RAB27A: variants seen among roughly 807,000 people sequenced by gnomAD.
RAB27A encodes RAB27A, member RAS oncogene family, also known as ras-related protein Rab-27A.
In RAB27A, 17 loss-of-function variants were observed where a neutral mutation model predicts 20.8. The ratio of observed to expected loss-of-function variants is 0.82; its 90% confidence interval spans 0.56 to 1.23. RAB27A has a LOEUF of 1.23. Among genes scored for constraint, RAB27A ranks in the 50% most tolerant of loss-of-function variants. The pLI, the probability that RAB27A is intolerant of heterozygous loss-of-function variation, is 0.00. For missense variants in RAB27A, 277 were observed against 266.7 expected, an observed-to-expected ratio of 1.04 and a Z score of -0.27; for synonymous variants, 85 against 92.8, an observed-to-expected ratio of 0.92 and a Z score of 0.48.
intron 2 of RAB27A, among the ~76,000 whole-genome samples, chr15:55,311,196 G>C (rs1432239942): frequency 6.6e-6 from 1 of 152,212 alleles, no homozygotes; most frequent in Non-Finnish European, 1.5e-5. Context: ...TTTGGAGCTA[G>C]TGTCTGATTT....
chr15:55,299,789 A>G (rs867017407), intron 2 of RAB27A, among the ~76,000 whole-genome samples: 10 of 152,042 alleles, frequency 6.6e-5, no homozygotes, highest in Middle Eastern at 3.4e-3. Flanking sequence ...ATGAAATTAG[A>G]TAATAATGTT....
chr15:55,254,929 T>C (rs1360275673), intron 2 of RAB27A, among the ~76,000 whole-genome samples: 2 of 152,230 alleles, frequency 1.3e-5, no homozygotes, highest in East Asian at 3.8e-4. Flanking sequence ...GTCCAAGTAT[T>C]AGAACTTTTA....
intron 2 of RAB27A, among the ~76,000 whole-genome samples, chr15:55,304,720 C>T (rs148581553): frequency 8.7e-4 from 132 of 152,230 alleles, no homozygotes; most frequent in African/African-American, 2.9e-3. Flanking sequence ...TTCCATTATA[C>T]GGAAATACCA....
At chr15:55,205,934 G>A (rs1239839282) in intron 6 of RAB27A, among the ~76,000 whole-genome samples, 2 of 151,950 alleles carry the variant, frequency 1.3e-5, no homozygotes, top group Non-Finnish European at 2.9e-5. Context: ...ATCAATTTTT[G>A]GCTGGGCGCA....
intron 2 of RAB27A, among the ~76,000 whole-genome samples, chr15:55,302,847 C>A (rs1183071303): frequency 7.0e-6 from 1 of 141,894 alleles, no homozygotes; most frequent in Non-Finnish European, 1.5e-5. Flanking sequence ...GCAACCACCC[C>A]GTCTGAGAAG....
chr15:55,261,997 A>G (rs115029354), intron 2 of RAB27A, among the ~76,000 whole-genome samples: 1,884 of 151,134 alleles, frequency 0.012, 53 homozygotes, highest in African/African-American at 0.043. Context: ...AAATGGCACA[A>G]TTGCACTCTG....
At chr15:55,266,682 TA>T (rs1650487814) in intron 2 of RAB27A, among the ~76,000 whole-genome samples, 1 of 152,188 alleles carries the variant, frequency 6.6e-6, no homozygotes, top group African/African-American at 2.4e-5. Context: ...AACAACCGTA[TA>T]AGGTCCCTAA....
intron 2 of RAB27A, among the ~76,000 whole-genome samples, chr15:55,299,653 T>A: frequency 6.9e-6 from 1 of 145,804 alleles, no homozygotes; most frequent in African/African-American, 2.5e-5. Flanking sequence ...GGCTCCAGAA[T>A]AAAGGAAACA....
chr15:55,258,081 A>T (rs1595723982), intron 2 of RAB27A, among the ~76,000 whole-genome samples: 1 of 151,642 alleles, frequency 6.6e-6, no homozygotes, highest in South Asian at 2.1e-4. Flanking sequence ...AAAAAAAAAA[A>T]AAAAAGGAAA....
intron 2 of RAB27A, among the ~76,000 whole-genome samples, chr15:55,239,064 T>G (rs1192520490): frequency 6.6e-6 from 1 of 152,196 alleles, no homozygotes; most frequent in East Asian, 1.9e-4. Context: ...CTAGTTCCAA[T>G]AGGCTCTGAC....
intron 2 of RAB27A, among the ~76,000 whole-genome samples, chr15:55,246,629 C>A (rs554645913): frequency 1.7e-4 from 26 of 151,350 alleles, no homozygotes; most frequent in African/African-American, 5.8e-4. Flanking sequence ...AAAAAGCACA[C>A]ATAGAATATA....
At chr15:55,212,605 C>T (rs1346525952) in intron 6 of RAB27A, among the ~76,000 whole-genome samples, 4 of 150,088 alleles carry the variant, frequency 2.7e-5, no homozygotes, top group African/African-American at 1.0e-4. Flanking sequence ...TCCTGGCTCA[C>T]TGCAAGCTCC....
In RAB27A at chr15:55,205,757, A is replaced by T. The variant is rs1894619646; in HGVS notation, c.468-52T>A. On this transcript the variant is annotated intron_variant, in intron 6 of 6. Coordinates refer to ENST00000336787, the MANE Select transcript of RAB27A (RefSeq NM_183235.3). The stretch of plus-strand genomic sequence containing the variant: ...CAACATGTGGAGGGAAAGGAGAGTG[A>T]CCTTTGCTCTTGATAATTCAAATTA... 2.7e-6 allele frequency: 4 copies of T among 1,456,958 alleles called. No individual in the cohort carries two copies. The South Asian group carries it at 4.6e-5, about 17-fold the overall frequency. 90.3% of individuals were successfully genotyped at this position (1,456,958 alleles called of 1,614,324 possible).
At chr15:55,290,053 T>C (rs1898270633), upstream of RAB27A, 1 of 152,220 alleles carries the variant, frequency 6.6e-6, no homozygotes, top group South Asian at 2.1e-4. Context: ...TGGAAGGCGC[T>C]ACAAAATATA....
intron 6 of RAB27A, among the ~76,000 whole-genome samples, chr15:55,216,183 T>C (rs1023299075): frequency 6.6e-6 from 1 of 152,166 alleles, no homozygotes; most frequent in African/African-American, 2.4e-5. Context: ...ATGTTTCTTA[T>C]TTCCAACACA....
chr15:55,260,116 AG>A (rs1195164699), intron 2 of RAB27A: 1 of 152,238 alleles, frequency 6.6e-6, no homozygotes, highest in Non-Finnish European at 1.5e-5. Flanking sequence ...ACGTATTTTT[AG>A]TGCCTTTAAA....
chr15:55,281,757 G>T (rs1406311133), intron 1 of RAB27A, among the ~76,000 whole-genome samples: 2 of 151,330 alleles, frequency 1.3e-5, no homozygotes, highest in African/African-American at 4.9e-5. Context: ...AGGAAGGAAG[G>T]TAGGAAAGGA....
intron 1 of RAB27A, among the ~76,000 whole-genome samples, chr15:55,274,753 G>C (rs1482537323): frequency 1.5e-5 from 2 of 134,714 alleles, no homozygotes; most frequent in South Asian, 4.6e-4. Flanking sequence ...ACTCCAGCCT[G>C]GGTGACACAG....
Position 55,223,954 on chromosome 15 carries a change from C to T in RAB27A, c.402G>A (p.Lys134=). Reference sequence around the variant, plus strand: ...CTACTCTCTGGTCCTCCAGATCACTCTTGTTTCCACACAGCACTATATCTG... The same window carrying T: ...CTACTCTCTGGTCCTCCAGATCACTTTTGTTTCCACACAGCACTATATCTG... ...ENPDIVLCGN[K]SDLEDQRVVK... is the part of the protein sequence containing the mutation. The change falls in exon 6 of 7, where the codon AAG becomes AAA. Residue 134 remains lysine (K), a synonymous_variant. Coordinates refer to ENST00000336787, the MANE Select transcript of RAB27A (RefSeq NM_183235.3). 6.2e-7 allele frequency: 1 copy of T among 1,612,542 alleles called. No individual in the cohort carries two copies. The highest frequency in any genetic ancestry group is 1.1e-5 in the South Asian group (1 of 91,052).
Sources: gnomAD v4.1 joint callset for allele counts (sites outside exome capture counted in the v4.1 genomes callset) on GRCh38, gnomAD v4.1.1 for gene constraint, MANE v1.5 for transcripts, NCBI Gene and HGNC (gene_info 2026-07-23, HGNC 2026-07-21) for gene names.